DAB1: variants seen among roughly 807,000 people sequenced by gnomAD.
The protein encoded by DAB1 is DAB adaptor protein 1, also known as disabled homolog 1.
In DAB1, 15 loss-of-function variants were observed where a neutral mutation model predicts 64.6. That is an observed-to-expected ratio of 0.23 (90% confidence interval 0.16 to 0.36). DAB1 has a LOEUF of 0.36. DAB1 is among the 10% of genes least tolerant of loss of function. The pLI is 1.00. For missense variants in DAB1, 596 were observed against 706.7 expected, an observed-to-expected ratio of 0.84 and a Z score of 1.78; for synonymous variants, 235 against 251.9, an observed-to-expected ratio of 0.93 and a Z score of 0.64.
chr1:57,683,605 G>C (rs1319213572), intron 6 of DAB1, among the ~76,000 whole-genome samples: 2 of 152,100 alleles, frequency 1.3e-5, no homozygotes, highest in African/African-American at 4.8e-5. Context: ...CCCTCTAAGA[G>C]CATCCAAAAA....
At chr1:57,698,825 A>G (rs1646875944) in intron 6 of DAB1, among the ~76,000 whole-genome samples, 1 of 152,260 alleles carries the variant, frequency 6.6e-6, no homozygotes, top group Non-Finnish European at 1.5e-5. Flanking sequence ...GATATCTTCA[A>G]AATTCTAACT....
chr1:57,297,083 G>C (rs894172401), intron 1 of DAB1, among the ~76,000 whole-genome samples: 1 of 152,140 alleles, frequency 6.6e-6, no homozygotes, highest in African/African-American at 2.4e-5. Context: ...GTACTGTGTA[G>C]TGTTCTGGCC....
At chr1:57,226,424 C>A (rs2100408462) in intron 2 of DAB1, among the ~76,000 whole-genome samples, 1 of 152,190 alleles carries the variant, frequency 6.6e-6, no homozygotes, top group South Asian at 2.1e-4. Context: ...TGGAGACATT[C>A]TCAATCACTG....
At chr1:57,666,611 G>A (rs1317369050) in intron 6 of DAB1, among the ~76,000 whole-genome samples, 1 of 152,130 alleles carries the variant, frequency 6.6e-6, no homozygotes. Flanking sequence ...TTTGAATCAT[G>A]TTTGACTGTT....
intron 3 of DAB1, among the ~76,000 whole-genome samples, chr1:58,369,223 C>T (rs1468301399): frequency 1.3e-5 from 2 of 152,002 alleles, no homozygotes; most frequent in African/African-American, 2.4e-5. Context: ...GTTTCATATT[C>T]CCTCTCCTTT....
intron 4 of DAB1, among the ~76,000 whole-genome samples, chr1:58,306,467 C>A (rs938457071): frequency 6.6e-6 from 1 of 152,138 alleles, no homozygotes; most frequent in African/African-American, 2.4e-5. Context: ...CCAATTCCTG[C>A]GCTGTTTCCC....
intron 2 of DAB1, among the ~76,000 whole-genome samples, chr1:57,251,924 C>A (rs1669372374): frequency 6.6e-6 from 1 of 152,166 alleles, no homozygotes; most frequent in Admixed American, 6.5e-5. Context: ...AGCACACACA[C>A]CCCATAAAGA....
chr1:57,844,224 C>T (rs1653178277), intron 1 of DAB1, among the ~76,000 whole-genome samples: 1 of 152,246 alleles, frequency 6.6e-6, no homozygotes, highest in African/African-American at 2.4e-5. Flanking sequence ...TTCTAACACA[C>T]TGAAATAACG....
At chr1:58,113,669 T>C (rs1345172292) in intron 5 of DAB1, among the ~76,000 whole-genome samples, 1 of 151,564 alleles carries the variant, frequency 6.6e-6, no homozygotes, top group African/African-American at 2.4e-5. Context: ...CAGACTGTGC[T>C]GCTGCAGGAA....
At chr1:58,296,166 GAAA>G (rs1557724742) in intron 4 of DAB1, among the ~76,000 whole-genome samples, 3,727 of 72,676 alleles carry the variant, frequency 0.051, 136 homozygotes, top group Middle Eastern at 0.18. Flanking sequence ...AAGAAAGAAA[GAAA>G]GAAAAAAGAA....
chr1:58,159,645 C>T (rs1655415937), intron 4 of DAB1, among the ~76,000 whole-genome samples: 1 of 152,252 alleles, frequency 6.6e-6, no homozygotes, highest in African/African-American at 2.4e-5. Flanking sequence ...TCTGTGACAG[C>T]AGCTGCAGGA....
chr1:57,988,324 C>A (rs145197443), intron 5 of DAB1, among the ~76,000 whole-genome samples: 6 of 152,234 alleles, frequency 3.9e-5, no homozygotes, highest in African/African-American at 9.6e-5. Context: ...TCTGCCCCCC[C>A]ACTCACTCTG....
chr1:57,827,060 G>A (rs2101900525), intron 1 of DAB1, among the ~76,000 whole-genome samples: 1 of 152,336 alleles, frequency 6.6e-6, no homozygotes, highest in Non-Finnish European at 1.5e-5. Flanking sequence ...TGGCAATGAG[G>A]TTGCTATGGT....
intron 5 of DAB1, among the ~76,000 whole-genome samples, chr1:58,132,021 T>A (rs929882753): frequency 3.3e-5 from 5 of 152,092 alleles, no homozygotes; most frequent in South Asian, 2.1e-4. Flanking sequence ...CTTTACCTAA[T>A]CAAGCCTGGG....
At chr1:58,213,153 A>C (rs1658644242) in intron 4 of DAB1, among the ~76,000 whole-genome samples, 1 of 152,200 alleles carries the variant, frequency 6.6e-6, no homozygotes, top group African/African-American at 2.4e-5. Flanking sequence ...CAAAGGTCAA[A>C]TTTGGTATAA....
intron 5 of DAB1, among the ~76,000 whole-genome samples, chr1:58,073,044 T>C (rs957709425): frequency 6.6e-6 from 1 of 152,224 alleles, no homozygotes; most frequent in Non-Finnish European, 1.5e-5. Flanking sequence ...TGTATTATTA[T>C]AGCTATTTTA....
At chr1:58,250,298 A>G (rs1042988536) in intron 4 of DAB1, among the ~76,000 whole-genome samples, 1 of 152,148 alleles carries the variant, frequency 6.6e-6, no homozygotes, top group African/African-American at 2.4e-5. Context: ...CTCCGGCTGC[A>G]GTAGAGGGCG....
chr1:58,118,468 G>T (rs2806395), intron 5 of DAB1, among the ~76,000 whole-genome samples: 72,903 of 73,082 alleles, frequency 1, 36,362 homozygotes, highest in Middle Eastern at 1. Flanking sequence ...CTATCCTAAG[G>T]CATATATATA....
chr1:58,050,149 G>C (rs146351565), intron 5 of DAB1, among the ~76,000 whole-genome samples: 3 of 152,258 alleles, frequency 2.0e-5, no homozygotes, highest in African/African-American at 7.2e-5. Flanking sequence ...AGAGAACATA[G>C]ATCAGTTGAG....
Sources: gnomAD v4.1 joint callset for allele counts (sites outside exome capture counted in the v4.1 genomes callset) on GRCh38, gnomAD v4.1.1 for gene constraint, MANE v1.5 for transcripts, NCBI Gene and HGNC (gene_info 2026-07-23, HGNC 2026-07-21) for gene names.